The following CHCHD6 variants were observed in gnomAD, a reference collection of about 807,000 sequenced individuals.
CHCHD6 encodes the protein coiled-coil-helix-coiled-coil-helix domain containing 6.
In CHCHD6, 28 loss-of-function variants were observed where a neutral mutation model predicts 32.3. The ratio of observed to expected loss-of-function variants is 0.87; its 90% confidence interval spans 0.64 to 1.19. The LOEUF (loss-of-function observed/expected upper bound fraction) is 1.19, where lower values mean the gene tolerates loss of function less well. Ranked by LOEUF, CHCHD6 falls within the 50% of genes most tolerant of loss-of-function variation. The probability of loss-of-function intolerance (pLI) is 0.00; values close to 1 mark genes in which losing one functional copy is unlikely to be tolerated. For missense variants in CHCHD6, 333 were observed against 307.0 expected (o/e 1.08, Z -0.63); for synonymous variants, 122 against 117.5 (o/e 1.04, Z -0.25).
intron 5 of CHCHD6, among the ~76,000 whole-genome samples, chr3:126,861,847 CCCT>C (rs1941899342): frequency 1.1e-5 from 1 of 88,494 alleles, no homozygotes; most frequent in African/African-American, 4.3e-5. Flanking sequence ...CACCACCTCC[CCCT>C]CCTCCACCAT....
At chr3:126,818,309 A>G (rs1454308303) in intron 4 of CHCHD6, among the ~76,000 whole-genome samples, 1 of 152,098 alleles carries the variant, frequency 6.6e-6, no homozygotes, top group African/African-American at 2.4e-5. Flanking sequence ...TTTGTCTCCC[A>G]CAAGGCCGAG....
chr3:126,861,038 C>G (rs1317342337), intron 5 of CHCHD6, among the ~76,000 whole-genome samples: 1 of 152,110 alleles, frequency 6.6e-6, no homozygotes, highest in Admixed American at 6.5e-5. Flanking sequence ...CACTTAAGCC[C>G]TTGAGCCCTG....
intron 5 of CHCHD6, among the ~76,000 whole-genome samples, chr3:126,863,791 TTCTCCTCCTCTACCATCATCACCA>T (rs1942084943): frequency 7.4e-6 from 1 of 135,330 alleles, no homozygotes; most frequent in Admixed American, 7.4e-5. Context: ...CATCAGCACC[TTCTCCTCCTCTACCATCATCACCA>T]CCTCCTCCTC....
chr3:126,746,273 CGGGCATGGCCTGGGCAGCCTTGCT>C (rs1936499585), intron 4 of CHCHD6, among the ~76,000 whole-genome samples: 1 of 152,148 alleles, frequency 6.6e-6, no homozygotes. Flanking sequence ...CCTCGCACAG[CGGGCATGGCCTGGGCAGCCTTGCT>C]GGGAAAGTCA....
intron 5 of CHCHD6, among the ~76,000 whole-genome samples, chr3:126,871,007 C>G (rs1167799013): frequency 6.6e-6 from 1 of 152,208 alleles, no homozygotes; most frequent in Non-Finnish European, 1.5e-5. Flanking sequence ...GAATTCTGCG[C>G]TGAGCTGTGA....
intron 5 of CHCHD6, among the ~76,000 whole-genome samples, chr3:126,888,442 AT>A (rs1212716126): frequency 2.6e-5 from 4 of 152,086 alleles, no homozygotes; most frequent in African/African-American, 9.7e-5. Context: ...ACTTAATTGT[AT>A]TTATCCATTT....
At chr3:126,850,589 C>T (rs1159398105) in intron 4 of CHCHD6, among the ~76,000 whole-genome samples, 1 of 152,152 alleles carries the variant, frequency 6.6e-6, no homozygotes, top group Non-Finnish European at 1.5e-5. Context: ...GAACGCACCT[C>T]CTTGTCTCTG....
At chr3:126,903,673 A>G (rs2077963096) in intron 5 of CHCHD6, among the ~76,000 whole-genome samples, 1 of 152,252 alleles carries the variant, frequency 6.6e-6, no homozygotes, top group Admixed American at 6.5e-5. Context: ...GCCTTTGTGC[A>G]GATAGTGGTG....
chr3:126,905,844 A>G (rs2077997641), intron 5 of CHCHD6, among the ~76,000 whole-genome samples: 1 of 152,202 alleles, frequency 6.6e-6, no homozygotes, highest in East Asian at 1.9e-4. Context: ...AATGACAGGT[A>G]GCCCTCCAGA....
At chr3:126,764,200 C>CATAT (rs143293559) in intron 4 of CHCHD6, among the ~76,000 whole-genome samples, 12,844 of 139,502 alleles carry the variant, frequency 0.092, 573 homozygotes, top group South Asian at 0.17. Flanking sequence ...TACATACATG[C>CATAT]ATATATATAT....
chr3:126,922,571 G>A (rs1168704919), intron 6 of CHCHD6, among the ~76,000 whole-genome samples: 1 of 152,152 alleles, frequency 6.6e-6, no homozygotes, highest in Non-Finnish European at 1.5e-5. Context: ...TTACCTGACT[G>A]CCTGGCTGTC....
chr3:126,951,601 C>A (rs567097649), intron 6 of CHCHD6, among the ~76,000 whole-genome samples: 2 of 152,192 alleles, frequency 1.3e-5, no homozygotes, highest in African/African-American at 4.8e-5. Context: ...GGGTCTCTAG[C>A]TAGTTATGGG....
chr3:126,715,083 T>C (rs1934947314), intron 1 of CHCHD6, among the ~76,000 whole-genome samples: 1 of 152,184 alleles, frequency 6.6e-6, no homozygotes. Flanking sequence ...GCTCTGCCCG[T>C]CCATCTCCCT....
chr3:126,870,453 T>C (rs1222878237), intron 5 of CHCHD6, among the ~76,000 whole-genome samples: 3 of 152,224 alleles, frequency 2.0e-5, no homozygotes, highest in Admixed American at 1.3e-4. Context: ...CTCCCAGTTC[T>C]TTCAGGTATT....
At chr3:126,796,590 C>T (rs1938802301) in intron 4 of CHCHD6, among the ~76,000 whole-genome samples, 2 of 152,102 alleles carry the variant, frequency 1.3e-5, no homozygotes, top group Non-Finnish European at 2.9e-5. Context: ...TATCAGTGTA[C>T]AGTGGCTCCC....
chr3:126,747,494 T>C (rs1411784640), intron 4 of CHCHD6, among the ~76,000 whole-genome samples: 1 of 152,226 alleles, frequency 6.6e-6, no homozygotes, highest in Non-Finnish European at 1.5e-5. Context: ...AAACATTTTC[T>C]TAGTGAGGCT....
intron 4 of CHCHD6, among the ~76,000 whole-genome samples, chr3:126,852,177 T>C (rs1941497165): frequency 6.6e-6 from 1 of 152,204 alleles, no homozygotes; most frequent in African/African-American, 2.4e-5. Context: ...GGCCAGCACA[T>C]AGCTGTGTGG....
intron 2 of CHCHD6, 88 bp from the exon 3 acceptor site, chr3:126,730,473 A>T: frequency 9.3e-7 from 1 of 1,073,826 alleles, no homozygotes; most frequent in Non-Finnish European, 1.4e-6. Context: ...ACATTCATTC[A>T]TGGGGGTCAT....
At chr3:126,821,572 G>T (rs756838103) in intron 4 of CHCHD6, among the ~76,000 whole-genome samples, 15 of 152,314 alleles carry the variant, frequency 9.8e-5, no homozygotes, top group Non-Finnish European at 2.2e-4. Flanking sequence ...AGGATTACAG[G>T]CATGAGCCAG....
Sources: gnomAD v4.1 joint callset for allele counts (sites outside exome capture counted in the v4.1 genomes callset) on GRCh38, gnomAD v4.1.1 for gene constraint, MANE v1.5 for transcripts, NCBI Gene and HGNC (gene_info 2026-07-23, HGNC 2026-07-21) for gene names.